SDCCAG8: variants seen among roughly 807,000 people sequenced by gnomAD.
The protein encoded by SDCCAG8 is SHH signaling and ciliogenesis regulator SDCCAG8.
In SDCCAG8, 74 loss-of-function variants were observed where a neutral mutation model predicts 101.8. The ratio of observed to expected loss-of-function variants is 0.73; its 90% CI spans 0.60 to 0.88. The LOEUF (loss-of-function observed/expected upper bound fraction) is 0.88. Among genes scored for constraint, SDCCAG8 ranks in the 40% least tolerant of loss-of-function variants. SDCCAG8 has a pLI of 0.00. For synonymous variants in SDCCAG8, 281 were observed against 292.9 expected (o/e 0.96, Z 0.41); for missense variants, 787 against 822.6 (o/e 0.96, Z 0.53).
rs527860849 is a variant in SDCCAG8, at chr1:243,353,384, G to A, written c.1473+9053G>A. The stretch of plus-strand genomic sequence containing the variant: ...CGCGCGCCTGTAATCCCAGCTACTC[G>A]GGAGACTGAGGCAGGAGAATTGCTT... On this transcript the variant is annotated intron_variant, in intron 12 of 17. Coordinates refer to ENST00000366541, the MANE Select transcript of SDCCAG8 (RefSeq NM_006642.5). Among the ~76,000 whole-genome samples the A allele has an allele frequency of 4.4e-3, 656 of 149,692 alleles. 4 individuals are homozygous for A. Among genetic ancestry groups the A allele is most frequent in the African/African-American group, 0.015 (632 of 40,800 alleles).
chr1:243,357,465 G>C (rs2076454305), intron 12 of SDCCAG8, among the ~76,000 whole-genome samples: 3 of 152,126 alleles, frequency 2.0e-5, no homozygotes, highest in Non-Finnish European at 2.9e-5. Flanking sequence ...GGAAGGAAAG[G>C]CTTCAGATAA....
rs567441803 is a variant in SDCCAG8 at position 243,298,562 on chromosome 1, C to T, written c.675+5343C>T. ...GAACTCCTGACCTCAAGTGATCCAC[C>T]TGCCTCGGCCTCCCAAAATGCTGGG... On this transcript the variant is annotated intron_variant, in intron 6 of 17. Transcript: ENST00000366541. 8.5e-5 allele frequency among the ~76,000 whole-genome samples: 13 copies of T among 152,198 alleles called. No individual in the cohort carries two copies. The South Asian group carries it at 2.3e-3, about 27-fold the overall frequency.
chr1:243,397,331 T>C (rs953916917), intron 13 of SDCCAG8, among the ~76,000 whole-genome samples: 5 of 152,236 alleles, frequency 3.3e-5, no homozygotes, highest in African/African-American at 1.2e-4. Flanking sequence ...CTTGACACCA[T>C]CCAGTATAGA....
rs1318004713 is a variant in SDCCAG8, at chr1:243,458,928, T to G, written c.1986-30086T>G. Among the ~76,000 whole-genome samples, 1 of 152,194 alleles carries G rather than the reference T, an allele frequency of 6.6e-6. No individual in the cohort carries two copies. The highest frequency in any genetic ancestry group is 6.5e-5 in the Admixed American group (1 of 15,272). ...TTAAGCTATTGCATGAATATCTCTA[T>G]GTGGGAAATTCTTGTGTTCTGATAG... On this transcript the variant is annotated intron_variant, in intron 16 of 17. Coordinates refer to ENST00000366541, the MANE Select transcript of SDCCAG8 (RefSeq NM_006642.5). This position sits in a 1 kb window ranked among gnomAD's most constrained non-coding sequence, Gnocchi z 4.5.
intron 13 of SDCCAG8, among the ~76,000 whole-genome samples, chr1:243,396,526 G>A (rs1036755223): frequency 6.6e-6 from 1 of 152,106 alleles, no homozygotes; most frequent in Non-Finnish European, 1.5e-5. Flanking sequence ...AAGCCTTTCA[G>A]TGTAAAATTT....
At chr1:243,374,108 GA>G (rs2077458734) in intron 12 of SDCCAG8, among the ~76,000 whole-genome samples, 1 of 151,954 alleles carries the variant, frequency 6.6e-6, no homozygotes, top group Non-Finnish European at 1.5e-5. Flanking sequence ...ATAGCTCATA[GA>G]AATACAAAAT....
intron 12 of SDCCAG8, among the ~76,000 whole-genome samples, chr1:243,372,045 A>G (rs954222384): frequency 6.6e-6 from 1 of 152,176 alleles, no homozygotes; most frequent in African/African-American, 2.4e-5. Context: ...ACTAGTAAAT[A>G]CTAAATTTCC....
At chr1:243,300,853 T>G (rs1305727647) in intron 6 of SDCCAG8, among the ~76,000 whole-genome samples, 1 of 152,240 alleles carries the variant, frequency 6.6e-6, no homozygotes, top group Non-Finnish European at 1.5e-5. Context: ...GTTTGTATTG[T>G]GTGGGTTCAC....
chr1:243,468,773 T>G (rs1033550805), intron 16 of SDCCAG8, among the ~76,000 whole-genome samples: 1 of 152,248 alleles, frequency 6.6e-6, no homozygotes. Context: ...ACATATTGTT[T>G]ATTGCTTTTG....
rs1374713839 is a variant in SDCCAG8 at position 243,464,696 on chromosome 1, A to G, written c.1986-24318A>G. ...TAACTAAGCTGCACAACACCGTGTGAGGTGTGTAGGAAGTAAGATAGGACA... is the reference window on the plus strand; with the variant it reads ...TAACTAAGCTGCACAACACCGTGTGGGGTGTGTAGGAAGTAAGATAGGACA... On this transcript the variant is annotated intron_variant, in intron 16 of 17. Transcript: ENST00000366541. Among the ~76,000 whole-genome samples, 4 of 152,214 alleles carry G rather than the reference A, an allele frequency of 2.6e-5. No individual in the cohort carries two copies. The East Asian group carries it at 7.7e-4, about 29-fold the overall frequency.
chr1:243,372,480 A>G (rs1445575502), intron 12 of SDCCAG8, among the ~76,000 whole-genome samples: 1 of 152,076 alleles, frequency 6.6e-6, no homozygotes, highest in Admixed American at 6.6e-5. Context: ...TTAAGATGTT[A>G]TATAATTTTT....
chr1:243,361,154 CA>C (rs1289958340), intron 12 of SDCCAG8, among the ~76,000 whole-genome samples: 2 of 152,160 alleles, frequency 1.3e-5, no homozygotes, highest in Admixed American at 1.3e-4. Flanking sequence ...AGTCTGCCCC[CA>C]CGACCACTTC....
chr1:243,270,391 C>A, intron 2 of SDCCAG8, 134 bp downstream of exon 2: 2 of 970,982 alleles, frequency 2.1e-6, no homozygotes, highest in South Asian at 1.4e-5. Flanking sequence ...TAATTTAATT[C>A]CCTCGCTTAA....
intron 12 of SDCCAG8, among the ~76,000 whole-genome samples, chr1:243,359,780 G>T (rs779642354): frequency 1.3e-5 from 2 of 152,212 alleles, no homozygotes; most frequent in East Asian, 1.9e-4. Context: ...AACAAACCTT[G>T]AATACTTAGT....
chr1:243,353,148 G>A (rs1193739064), intron 12 of SDCCAG8, among the ~76,000 whole-genome samples: 1 of 152,024 alleles, frequency 6.6e-6, no homozygotes, highest in Non-Finnish European at 1.5e-5. Context: ...AAATGCAAAA[G>A]GCATGGGAAT....
chr1:243,317,355 C>T (rs1558284965), intron 9 of SDCCAG8, among the ~76,000 whole-genome samples: 1 of 149,956 alleles, frequency 6.7e-6, no homozygotes, highest in Non-Finnish European at 1.5e-5. Flanking sequence ...GAGTCTTGCC[C>T]TGTCGCCCAG....
intron 6 of SDCCAG8, among the ~76,000 whole-genome samples, chr1:243,304,091 C>T (rs1476480953): frequency 6.6e-6 from 1 of 151,892 alleles, no homozygotes; most frequent in South Asian, 2.1e-4. Context: ...AAAAGTTATA[C>T]ATGGATTTCC....
chr1:243,374,986 AAAT>A (rs2077514480), intron 12 of SDCCAG8, among the ~76,000 whole-genome samples: 1 of 152,172 alleles, frequency 6.6e-6, no homozygotes, highest in Admixed American at 6.5e-5. Context: ...ACAATTCTAG[AAAT>A]AATAAAATGA....
intron 12 of SDCCAG8, among the ~76,000 whole-genome samples, chr1:243,364,603 A>G (rs899203329): frequency 2.1e-4 from 32 of 152,198 alleles, no homozygotes; most frequent in African/African-American, 7.5e-4. Context: ...CTATTAAGTG[A>G]TCCAGACTAC....
Sources: gnomAD v4.1 joint callset for allele counts (sites outside exome capture counted in the v4.1 genomes callset) on GRCh38, gnomAD v4.1.1 for gene constraint, Gnocchi (gnomAD v3.1) non-coding constraint, MANE v1.5 for transcripts, NCBI Gene and HGNC (gene_info 2026-07-23, HGNC 2026-07-21) for gene names.